PAX3: variants seen among roughly 807,000 people sequenced by gnomAD.
PAX3 encodes the protein paired box 3, also known as paired box protein Pax-3.
Under a neutral mutation model 51.6 loss-of-function variants are expected in PAX3, and 14 were observed. That is an observed-to-expected ratio of 0.27 (90% confidence interval 0.18 to 0.42). The LOEUF (loss-of-function observed/expected upper bound fraction) is 0.42. Among genes scored for constraint, PAX3 ranks in the 10% least tolerant of loss-of-function variants. PAX3 has a pLI of 1.00. For synonymous variants in PAX3, 280 were observed against 253.4 expected, an observed-to-expected ratio of 1.11 and a Z score of -1.00; for missense variants, 540 against 642.8, an observed-to-expected ratio of 0.84 and a Z score of 1.73.
At chr2:222,247,928 T>C (rs1211702299) in intron 4 of PAX3, among the ~76,000 whole-genome samples, 1 of 152,218 alleles carries the variant, frequency 6.6e-6, no homozygotes, top group Non-Finnish European at 1.5e-5. Context: ...GTGAGTTGGA[T>C]ATTATCTTTG....
chr2:222,226,942 G>C (rs553494138), intron 5 of PAX3, among the ~76,000 whole-genome samples: 1 of 151,764 alleles, frequency 6.6e-6, no homozygotes, highest in Non-Finnish European at 1.5e-5. Context: ...ACAAGCAAAG[G>C]AGCAAAATTT....
chr2:222,295,234 A>T (rs1037631511), intron 3 of PAX3, among the ~76,000 whole-genome samples: 1 of 152,142 alleles, frequency 6.6e-6, no homozygotes, highest in Non-Finnish European at 1.5e-5. Flanking sequence ...GGGAACATCA[A>T]TATTAATAAA....
intron 4 of PAX3, among the ~76,000 whole-genome samples, chr2:222,258,647 A>C: frequency 6.6e-6 from 1 of 152,196 alleles, no homozygotes; most frequent in East Asian, 1.9e-4. Context: ...GGAAACTGAC[A>C]TGCATCTATA....
chr2:222,259,282 C>T (rs45450898), intron 4 of PAX3, among the ~76,000 whole-genome samples: 15,678 of 152,206 alleles, frequency 0.1, 984 homozygotes, highest in East Asian at 0.33. Flanking sequence ...AGCCCATTCT[C>T]CACTTCCTGA....
chr2:222,295,647 G>C lies in PAX3; in HGVS notation c.332C>G (p.Thr111Arg). 6.2e-7 allele frequency: 1 copy of C among 1,614,162 alleles called. No homozygotes were observed. Among genetic ancestry groups the C allele is most frequent in the Non-Finnish European group, 8.5e-7 (1 of 1,180,030 alleles). ...CTCAATTTTCTTCTCCACGTCAGGC[G>C]TTGTCACCTGCTTTAAGAGAACAGG... ...IGGSKPKQVT[T>R]PDVEKKIEEY... Residue 111 changes from threonine to arginine, a missense_variant, in exon 3 of 9, where the codon ACG becomes AGG. Coordinates refer to ENST00000392070, the MANE Select transcript of PAX3 (RefSeq NM_181458.4).
chr2:222,260,883 T>C (rs1010007665), intron 4 of PAX3, among the ~76,000 whole-genome samples: 1 of 152,088 alleles, frequency 6.6e-6, no homozygotes, highest in African/African-American at 2.4e-5. Context: ...CACTGCACCA[T>C]GCCGCAACAC....
At chr2:222,251,108 TTTA>T (rs982257232) in intron 4 of PAX3, among the ~76,000 whole-genome samples, 3 of 152,162 alleles carry the variant, frequency 2.0e-5, no homozygotes, top group Admixed American at 6.6e-5. Flanking sequence ...TATTTATTTA[TTTA>T]TTTTTATTAT....
At chr2:222,244,769 C>T (rs915188864) in intron 4 of PAX3, among the ~76,000 whole-genome samples, 1 of 150,720 alleles carries the variant, frequency 6.6e-6, no homozygotes, top group Non-Finnish European at 1.5e-5. Flanking sequence ...TCAGCTCTTG[C>T]TCATTCCCAA....
At chr2:222,281,138 A>T (rs556983190) in intron 4 of PAX3, among the ~76,000 whole-genome samples, 1 of 152,180 alleles carries the variant, frequency 6.6e-6, no homozygotes, top group Non-Finnish European at 1.5e-5. Context: ...TCAATTCCCA[A>T]ATGATATTCT....
intron 2 of PAX3, 102 bp from the exon 3 acceptor site, chr2:222,295,759 C>T (rs536023870): frequency 1.8e-4 from 245 of 1,351,728 alleles, no homozygotes; most frequent in Non-Finnish European, 2.4e-4. Flanking sequence ...TCGCTGAATC[C>T]TCTGGGACGG....
chr2:222,287,038 T>A (rs991259410), intron 4 of PAX3, among the ~76,000 whole-genome samples: 2 of 152,212 alleles, frequency 1.3e-5, no homozygotes, highest in Non-Finnish European at 1.5e-5. Flanking sequence ...TCAGCTTAGA[T>A]AATTTGAAGA....
In PAX3 at chr2:222,216,436, TTTCTAAAGGTTGCTGTTGGTA is replaced by T. The variant is rs756485136; in HGVS notation, c.1173+3683_1173+3703del. Among the ~76,000 whole-genome samples, 7 of 152,082 alleles carry T rather than the reference TTTCTAAAGGTTGCTGTTGGTA, an allele frequency of 4.6e-5. No homozygotes were observed. The South Asian group carries it at 1.2e-3, about 27-fold the overall frequency. On this transcript the variant is annotated intron_variant, in intron 7 of 8. Coordinates refer to ENST00000392070, the MANE Select transcript of PAX3 (RefSeq NM_181458.4). ...AACTTGAGGAGGAACGACATCAGAG[TTTCTAAAGGTTGCTGTTGGTA>T]TTCTGAGATTTAGGCTGTCACAAAT...
chr2:222,224,170 G>A (rs1217803871), intron 5 of PAX3, among the ~76,000 whole-genome samples: 1 of 152,112 alleles, frequency 6.6e-6, no homozygotes, highest in East Asian at 1.9e-4. Context: ...CCAGGAGTTG[G>A]ATTAAAAAGT....
rs1064796626 is a variant in PAX3, at chr2:222,221,345, C to T, written c.835G>A (p.Gly279Arg). The stretch of plus-strand genomic sequence containing the variant: ...TTGAAAGCCATCAGTTGATTGGCCC[C>T]AGCTTGCTTCCTCCATCTTGCACGG... Reference protein sequence around the residue: ...NRRARWRKQAGANQLMAFNHL... With the variant: ...NRRARWRKQARANQLMAFNHL... The change falls in exon 6 of 9, where the codon GGG becomes AGG. Residue 279 changes from glycine to arginine, a missense_variant. Physicochemically the swap from Gly to Arg is moderately radical, Grantham distance 125 (BLOSUM62 -2). Transcript: ENST00000392070. 1.9e-6 allele frequency: 3 copies of T among 1,614,022 alleles called. No individual in the cohort carries two copies. Among genetic ancestry groups the T allele is most frequent in the Non-Finnish European group, 1.7e-6 (2 of 1,179,920 alleles).
chr2:222,294,808 C>CTTTT (rs11347336), intron 3 of PAX3, among the ~76,000 whole-genome samples: 4 of 111,280 alleles, frequency 3.6e-5, no homozygotes, highest in Admixed American at 1.0e-4. Flanking sequence ...CCTTTCTTCC[C>CTTTT]TTTTTTTTTT....
chr2:222,295,405 C>T (rs559300885), intron 3 of PAX3, 123 bp downstream of exon 3: 2 of 1,164,412 alleles, frequency 1.7e-6, no homozygotes, highest in Admixed American at 3.6e-5. Context: ...TATTGCAGGG[C>T]CTCGGGAGAG....
chr2:222,230,031 C>G (rs1337869173), intron 5 of PAX3, among the ~76,000 whole-genome samples: 1 of 152,022 alleles, frequency 6.6e-6, no homozygotes, highest in Non-Finnish European at 1.5e-5. Flanking sequence ...AAAAAATTAT[C>G]CAGGCATAGT....
At chr2:222,288,453 G>A (rs1333083470) in intron 4 of PAX3, among the ~76,000 whole-genome samples, 1 of 152,148 alleles carries the variant, frequency 6.6e-6, no homozygotes, top group Admixed American at 6.5e-5. Context: ...TATAAACACA[G>A]AAATTATGGA....
chr2:222,298,400 T>G (rs1200406413), intron 1 of PAX3, 131 bp downstream of exon 1: 3 of 719,604 alleles, frequency 4.2e-6, no homozygotes, highest in Non-Finnish European at 7.3e-6. Flanking sequence ...GACTGGTGCT[T>G]CTTGGGGTGT....
Sources: gnomAD v4.1 joint callset for allele counts (sites outside exome capture counted in the v4.1 genomes callset) on GRCh38, gnomAD v4.1.1 for gene constraint, MANE v1.5 for transcripts, NCBI Gene and HGNC (gene_info 2026-07-23, HGNC 2026-07-21) for gene names.